The following TNNI3K variants were observed in gnomAD, a reference collection of about 807,000 sequenced individuals.
The protein encoded by TNNI3K is serine/threonine-protein kinase TNNI3K.
Under a neutral mutation model 114.5 loss-of-function variants are expected in TNNI3K, and 140 were observed. The ratio of observed to expected loss-of-function variants is 1.22; its 90% CI spans 1.07 to 1.41. The LOEUF (loss-of-function observed/expected upper bound fraction) is 1.41, where lower values mean the gene tolerates loss of function less well. TNNI3K is among the 40% of genes most tolerant of loss of function. The pLI is 0.00. For missense variants in TNNI3K, 1,125 were observed against 1,007.6 expected (o/e 1.12, Z -1.58); for synonymous variants, 347 against 347.5 (o/e 1.00, Z 0.02).
chr1:74,518,189 G>T (rs1161358289), intron 23 of TNNI3K, among the ~76,000 whole-genome samples: 3 of 152,158 alleles, frequency 2.0e-5, no homozygotes, highest in Non-Finnish European at 4.4e-5. Flanking sequence ...AGTAGATGGA[G>T]AGGGTTTGCT....
intron 11 of TNNI3K, among the ~76,000 whole-genome samples, chr1:74,358,524 G>A (rs971775662): frequency 1.3e-5 from 2 of 152,046 alleles, no homozygotes; most frequent in Non-Finnish European, 2.9e-5. Context: ...ATGAGGGTGG[G>A]AGAGGAGTAC....
At chr1:74,277,319 C>A (rs1422996666) in intron 5 of TNNI3K, among the ~76,000 whole-genome samples, 1 of 152,076 alleles carries the variant, frequency 6.6e-6, no homozygotes, top group African/African-American at 2.4e-5. Flanking sequence ...TCTACCTTCA[C>A]ATCTGTAGTC....
intron 17 of TNNI3K, chr1:74,375,612 G>A: frequency 2.2e-6 from 1 of 454,630 alleles, no homozygotes; most frequent in South Asian, 1.6e-5. Context: ...TGATAAACTG[G>A]GTCATCTGGT....
intron 17 of TNNI3K, among the ~76,000 whole-genome samples, chr1:74,426,410 G>A (rs1419616706): frequency 2.6e-5 from 4 of 151,954 alleles, no homozygotes; most frequent in Non-Finnish European, 4.4e-5. Flanking sequence ...CAAGTCTGAG[G>A]CTTCTCTTCT....
At chr1:74,287,222 A>G (rs1657388057) in intron 5 of TNNI3K, among the ~76,000 whole-genome samples, 1 of 152,216 alleles carries the variant, frequency 6.6e-6, no homozygotes. Flanking sequence ...CACTTTTGGT[A>G]CATCAACAAG....
intron 23 of TNNI3K, among the ~76,000 whole-genome samples, chr1:74,521,804 A>G (rs145667224): frequency 3.3e-4 from 51 of 152,298 alleles, no homozygotes; most frequent in African/African-American, 9.6e-4. Flanking sequence ...GTTTCTTGCT[A>G]TTTCTACTGA....
At chr1:74,402,513 C>T (rs776681011) in intron 17 of TNNI3K, among the ~76,000 whole-genome samples, 14 of 152,300 alleles carry the variant, frequency 9.2e-5, no homozygotes, top group Non-Finnish European at 1.6e-4. Flanking sequence ...AATTATTACC[C>T]CTTCCCCAAT....
chr1:74,410,630 A>C (rs1557549620), intron 17 of TNNI3K, among the ~76,000 whole-genome samples: 1 of 152,104 alleles, frequency 6.6e-6, no homozygotes, highest in African/African-American at 2.4e-5. Flanking sequence ...GCAAAACTAA[A>C]CCATGAAAGA....
intron 5 of TNNI3K, among the ~76,000 whole-genome samples, chr1:74,327,029 C>T (rs936841950): frequency 2.0e-5 from 3 of 148,686 alleles, no homozygotes; most frequent in Admixed American, 6.8e-5. Context: ...TGCAGTGAGC[C>T]GAGATTGCGC....
At chr1:74,393,085 A>C (rs548739756) in intron 17 of TNNI3K, among the ~76,000 whole-genome samples, 1 of 152,180 alleles carries the variant, frequency 6.6e-6, no homozygotes, top group Non-Finnish European at 1.5e-5. Flanking sequence ...AGCAGAAAGC[A>C]GTGTGCTGAG....
At chr1:74,276,614 A>T (rs1038895360) in intron 5 of TNNI3K, among the ~76,000 whole-genome samples, 1 of 152,122 alleles carries the variant, frequency 6.6e-6, no homozygotes, top group African/African-American at 2.4e-5. Flanking sequence ...TAGCAGAAAT[A>T]GCAACGGATC....
chr1:74,346,386 G>T (rs1454088301), intron 9 of TNNI3K, among the ~76,000 whole-genome samples: 4 of 152,048 alleles, frequency 2.6e-5, no homozygotes, highest in Non-Finnish European at 2.9e-5. Flanking sequence ...TGATTGTCCT[G>T]CAGAATATTT....
At chr1:74,313,494 T>C (rs1659114870) in intron 5 of TNNI3K, among the ~76,000 whole-genome samples, 1 of 152,170 alleles carries the variant, frequency 6.6e-6, no homozygotes, top group Non-Finnish European at 1.5e-5. Flanking sequence ...CCTGTCTTCA[T>C]TTGGTCAGGC....
chr1:74,509,240 G>A (rs554335604), intron 23 of TNNI3K, among the ~76,000 whole-genome samples: 1 of 152,248 alleles, frequency 6.6e-6, no homozygotes, highest in African/African-American at 2.4e-5. Context: ...CCTCAGTCAA[G>A]TTGCCATTTG....
At chr1:74,372,659 C>T (rs999593321) in intron 17 of TNNI3K, 3 of 151,622 alleles carry the variant, frequency 2.0e-5, no homozygotes, top group Non-Finnish European at 4.4e-5. Flanking sequence ...TCTTTCCATC[C>T]CAAACATTTT....
chr1:74,404,420 A>T (rs1664516006), intron 17 of TNNI3K, among the ~76,000 whole-genome samples: 1 of 152,116 alleles, frequency 6.6e-6, no homozygotes, highest in Non-Finnish European at 1.5e-5. Context: ...TCCTCCCAAG[A>T]ACTTGATATC....
chr1:74,464,290 A>T (rs1342568756), intron 21 of TNNI3K, among the ~76,000 whole-genome samples: 2 of 152,210 alleles, frequency 1.3e-5, no homozygotes, highest in African/African-American at 2.4e-5. Flanking sequence ...TCCAGTGTCT[A>T]GTAATCCTTC....
chr1:74,389,534 A>G lies in TNNI3K; in HGVS notation c.1772+19142A>G, dbSNP rs1663657455. Among the ~76,000 whole-genome samples, 3 of 152,198 alleles carry G rather than the reference A, an allele frequency of 2.0e-5. No individual in the cohort carries two copies. In the South Asian group the frequency reaches 6.2e-4, roughly 31 times the overall value. On this transcript the variant is annotated intron_variant, in intron 17 of 24. Coordinates refer to ENST00000326637, the MANE Select transcript of TNNI3K (RefSeq NM_015978.3). Reference sequence around the variant, plus strand: ...CCTCTCCTCTTAGACCAGGTTAGGTACTGCCTTTCTGTGTTCCTATCACAC... The same window carrying G: ...CCTCTCCTCTTAGACCAGGTTAGGTGCTGCCTTTCTGTGTTCCTATCACAC...
chr1:74,512,948 G>T (rs1437391781), intron 23 of TNNI3K, among the ~76,000 whole-genome samples: 1 of 152,158 alleles, frequency 6.6e-6, no homozygotes, highest in African/African-American at 2.4e-5. Flanking sequence ...CGGGTAAATG[G>T]CTCACCGTGG....
Sources: gnomAD v4.1 joint callset for allele counts (sites outside exome capture counted in the v4.1 genomes callset) on GRCh38, gnomAD v4.1.1 for gene constraint, MANE v1.5 for transcripts, NCBI Gene and HGNC (gene_info 2026-07-23, HGNC 2026-07-21) for gene names.